Variants in PRKAG2 observed in about 807,000 individuals in gnomAD.
PRKAG2 encodes the protein 5'-AMP-activated protein kinase subunit gamma-2.
Under a neutral mutation model 69.6 loss-of-function variants are expected in PRKAG2, and 26 were observed. The observed-to-expected ratio is 0.37, with a 90% CI of 0.27 to 0.52. The LOEUF (loss-of-function observed/expected upper bound fraction) is 0.52. Among genes scored for constraint, PRKAG2 ranks in the 20% least tolerant of loss-of-function variants. PRKAG2 has a pLI of 0.90. For synonymous variants in PRKAG2, 293 were observed against 285.0 expected, an observed-to-expected ratio of 1.03 and a Z score of -0.28; for missense variants, 557 against 740.0, an observed-to-expected ratio of 0.75 and a Z score of 2.87.
At chr7:151,745,081 G>C (rs1487733908) in intron 3 of PRKAG2, among the ~76,000 whole-genome samples, 1 of 152,188 alleles carries the variant, frequency 6.6e-6, no homozygotes, top group Non-Finnish European at 1.5e-5. Context: ...GGGCCATCAA[G>C]AGCCAGGCTG....
intron 4 of PRKAG2, among the ~76,000 whole-genome samples, chr7:151,644,942 TTG>T (rs1474646730): frequency 1.3e-5 from 2 of 152,222 alleles, no homozygotes; most frequent in East Asian, 3.8e-4. Context: ...CAATATCTTT[TTG>T]TGTTTATTGG....
chr7:151,563,973 C>A (rs1805663664), intron 14 of PRKAG2, 105 bp downstream of exon 14: 3 of 1,521,862 alleles, frequency 2.0e-6, no homozygotes, highest in Non-Finnish European at 2.7e-6. Context: ...CTGGAGGCTG[C>A]CTCGCTGGGC....
chr7:151,801,294 C>A (rs1481682140), intron 1 of PRKAG2, among the ~76,000 whole-genome samples: 2 of 152,184 alleles, frequency 1.3e-5, no homozygotes, highest in Non-Finnish European at 1.5e-5. Flanking sequence ...AGCGCTCAGA[C>A]CAAGAAGATA....
At chr7:151,649,736 A>G (rs895277420) in intron 4 of PRKAG2, among the ~76,000 whole-genome samples, 1 of 152,114 alleles carries the variant, frequency 6.6e-6, no homozygotes, top group Non-Finnish European at 1.5e-5. Flanking sequence ...CACGTGAGGT[A>G]TGTGCGGCCC....
chr7:151,559,590 AT>A, intron 15 of PRKAG2: 1 of 985,364 alleles, frequency 1.0e-6, no homozygotes, highest in Non-Finnish European at 1.2e-6. Flanking sequence ...CATTTAGCGA[AT>A]AAGACATGTT....
chr7:151,873,796 A>G (rs1443068593), intron 1 of PRKAG2, among the ~76,000 whole-genome samples: 5 of 152,060 alleles, frequency 3.3e-5, no homozygotes, highest in Admixed American at 3.3e-4. Context: ...TTTGTCTCAC[A>G]CTATCGCTGG....
chr7:151,726,713 T>A (rs1305036741), intron 3 of PRKAG2, among the ~76,000 whole-genome samples: 1 of 151,812 alleles, frequency 6.6e-6, no homozygotes, highest in African/African-American at 2.4e-5. Flanking sequence ...AAAAAAATCG[T>A]GTAAATTCAA....
At chr7:151,872,904 C>T (rs2080253556) in intron 1 of PRKAG2, among the ~76,000 whole-genome samples, 1 of 152,214 alleles carries the variant, frequency 6.6e-6, no homozygotes, top group Non-Finnish European at 1.5e-5. Context: ...GGTCCTCACG[C>T]CTTAGGCCTG....
intron 3 of PRKAG2, among the ~76,000 whole-genome samples, chr7:151,707,812 C>A (rs1250059456): frequency 1.3e-5 from 2 of 152,174 alleles, no homozygotes; most frequent in African/African-American, 2.4e-5. Flanking sequence ...TCAGAATAGC[C>A]ACAGAGCCCG....
chr7:151,864,993 A>G (rs2151909220), intron 1 of PRKAG2, among the ~76,000 whole-genome samples: 1 of 152,210 alleles, frequency 6.6e-6, no homozygotes, highest in Non-Finnish European at 1.5e-5. Flanking sequence ...ACAATTTTAT[A>G]TAATACTAAT....
In PRKAG2 at chr7:151,814,920, TAA is replaced by T. The variant is rs1385536106; in HGVS notation, c.115-28381_115-28380del. ...GGAGGGAGGGCTGGACCGGAGCTTTTAAAAAGACAGGCAGCAGGATGGAGGGA... is the reference window on the plus strand; with the variant it reads ...GGAGGGAGGGCTGGACCGGAGCTTTTAAAGACAGGCAGCAGGATGGAGGGA... On this transcript the variant is annotated intron_variant, in intron 1 of 15. Coordinates refer to ENST00000287878, the MANE Select transcript of PRKAG2 (RefSeq NM_016203.4). This position sits in a 1 kb window ranked among gnomAD's most constrained non-coding sequence, Gnocchi z 4.8. The T allele has an allele frequency of 1.7e-5, 20 of 1,211,476 alleles. No individual in the cohort carries two copies. Among genetic ancestry groups the T allele is most frequent in the Non-Finnish European group, 2.1e-5 (20 of 970,190 alleles). 75.0% of individuals were successfully genotyped at this position (1,211,476 alleles called of 1,614,324 possible).
At chr7:151,577,171 A>T (rs976410656) in intron 6 of PRKAG2, among the ~76,000 whole-genome samples, 65 of 65,066 alleles carry the variant, frequency 1.0e-3, no homozygotes, top group African/African-American at 6.9e-3. Flanking sequence ...TTCAATGAGA[A>T]AACAAGCATA....
chr7:151,603,918 T>C (rs185235082), intron 5 of PRKAG2, among the ~76,000 whole-genome samples: 277 of 152,188 alleles, frequency 1.8e-3, no homozygotes, highest in Non-Finnish European at 2.9e-3. Flanking sequence ...TTTATTCATA[T>C]CAGTGTAGAC....
intron 3 of PRKAG2, among the ~76,000 whole-genome samples, chr7:151,707,301 AG>A (rs1280229383): frequency 6.6e-6 from 1 of 152,206 alleles, no homozygotes; most frequent in Non-Finnish European, 1.5e-5. Flanking sequence ...GACCTCAATA[AG>A]GCAAGTCCCT....
At chr7:151,786,286 C>T (rs534614764) in intron 2 of PRKAG2, among the ~76,000 whole-genome samples, 184 bp downstream of exon 2, 3 of 152,310 alleles carry the variant, frequency 2.0e-5, no homozygotes, top group East Asian at 1.9e-4. Context: ...ATAGCCCGGC[C>T]GATACGCCAG....
rs548392011 is a variant in PRKAG2, at chr7:151,587,688, C to T, written c.864+7657G>A. ...AGAGGGCATTCTGGAAAATACCTGA[C>T]CAACACTCCTCAAAACCGTCAAGGT... On this transcript the variant is annotated intron_variant, in intron 6 of 15. Coordinates refer to ENST00000287878, the MANE Select transcript of PRKAG2 (RefSeq NM_016203.4). Among the ~76,000 whole-genome samples the T allele has an allele frequency of 4.6e-5, 7 of 152,226 alleles. No individual in the cohort carries two copies. In the South Asian group the frequency reaches 1.2e-3, roughly 27 times the overall value.
At chr7:151,855,504 ACACACACCGCCCTC>A (rs1264227409) in intron 1 of PRKAG2, among the ~76,000 whole-genome samples, 21 of 48,128 alleles carry the variant, frequency 4.4e-4, no homozygotes, top group South Asian at 1.8e-3. Flanking sequence ...ACCACCCTCC[ACACACACCGCCCTC>A]CACACACCGC....
At chr7:151,773,023 AAGAGAGAG>A (rs1163334410) in intron 3 of PRKAG2, among the ~76,000 whole-genome samples, 8 of 55,104 alleles carry the variant, frequency 1.5e-4, no homozygotes, top group Non-Finnish European at 2.1e-4. Context: ...GAAAGAAAGA[AAGAGAGAG>A]AGAGAGAGAG....
Position 151,562,236 on chromosome 7 carries a change from C to CT in PRKAG2, c.1585-1620dup, listed in dbSNP as rs530381193. On this transcript the variant is annotated intron_variant, in intron 14 of 15. Coordinates refer to ENST00000287878, the MANE Select transcript of PRKAG2 (RefSeq NM_016203.4). Reference sequence around the variant, plus strand: ...CTCCAGCCTGGGCGACAGAGTGAGACTTTGTCTCAAAAAAAAAAAAAAAAA... The same window carrying CT: ...CTCCAGCCTGGGCGACAGAGTGAGACTTTTGTCTCAAAAAAAAAAAAAAAAA... Among the ~76,000 whole-genome samples the CT allele has an allele frequency of 3.8e-4, 30 of 79,650 alleles. No homozygotes were observed. In the East Asian group the frequency reaches 0.012, roughly 33 times the overall value. 52.3% of individuals were successfully genotyped at this position (79,650 alleles called of 152,430 possible).
Sources: gnomAD v4.1 joint callset for allele counts (sites outside exome capture counted in the v4.1 genomes callset) on GRCh38, gnomAD v4.1.1 for gene constraint, Gnocchi (gnomAD v3.1) non-coding constraint, MANE v1.5 for transcripts, NCBI Gene and HGNC (gene_info 2026-07-23, HGNC 2026-07-21) for gene names.